The following CPQ variants were observed in gnomAD, a reference collection of about 807,000 sequenced individuals.
CPQ encodes Ser-Met dipeptidase.
CPQ carries 37 observed loss-of-function variants against 45.7 expected under a neutral mutation model. The observed-to-expected ratio is 0.81, with a 90% CI of 0.62 to 1.07. CPQ has a LOEUF of 1.07. Ranked by LOEUF, CPQ falls within the 50% of genes least tolerant of loss-of-function variation. The pLI, the probability that CPQ is intolerant of heterozygous loss-of-function variation, is 0.00. For synonymous variants in CPQ, 186 were observed against 205.8 expected, an observed-to-expected ratio of 0.90 and a Z score of 0.82; for missense variants, 537 against 572.9, an observed-to-expected ratio of 0.94 and a Z score of 0.64.
intron 1 of CPQ, among the ~76,000 whole-genome samples, chr8:96,765,363 G>A (rs1267407690): frequency 4.6e-5 from 7 of 152,172 alleles, no homozygotes; most frequent in Non-Finnish European, 8.8e-5. Flanking sequence ...ATCTCTAAAA[G>A]AAAGAACCCA....
chr8:96,737,356 A>ATATATATATATATG (rs1563483563), intron 1 of CPQ, among the ~76,000 whole-genome samples: 1 of 37,422 alleles, frequency 2.7e-5, no homozygotes, highest in Non-Finnish European at 7.4e-5. Flanking sequence ...CTAATAGGAG[A>ATATATATATATATG]TATATATATA....
intron 1 of CPQ, among the ~76,000 whole-genome samples, chr8:96,734,330 C>T (rs546416309): frequency 6.6e-6 from 1 of 152,334 alleles, no homozygotes; most frequent in Admixed American, 6.5e-5. Flanking sequence ...AGGCTTCCCA[C>T]ATCCTCTTTG....
intron 1 of CPQ, among the ~76,000 whole-genome samples, chr8:96,677,507 T>A (rs1466523561): frequency 6.6e-6 from 1 of 152,066 alleles, no homozygotes; most frequent in Non-Finnish European, 1.5e-5. Flanking sequence ...TTTGTGCACT[T>A]TTTGATGGGA....
At chr8:96,955,080 C>A (rs1418996835) in intron 4 of CPQ, among the ~76,000 whole-genome samples, 2 of 152,096 alleles carry the variant, frequency 1.3e-5, no homozygotes, top group Non-Finnish European at 1.5e-5. Context: ...GTCTTTATAG[C>A]AGCATGATTT....
intron 1 of CPQ, among the ~76,000 whole-genome samples, chr8:96,728,133 T>A (rs1281489741): frequency 6.6e-6 from 1 of 152,208 alleles, no homozygotes; most frequent in Non-Finnish European, 1.5e-5. Context: ...GACCTGATAC[T>A]GACAGCAGGC....
chr8:96,655,013 T>C (rs937078773), intron 1 of CPQ, among the ~76,000 whole-genome samples: 1 of 152,124 alleles, frequency 6.6e-6, no homozygotes, highest in Admixed American at 6.5e-5. Context: ...TCCTCAATGA[T>C]TTTTTAATGG....
chr8:96,905,691 TCTTTGA>T (rs1772184654), intron 4 of CPQ, among the ~76,000 whole-genome samples: 2 of 151,848 alleles, frequency 1.3e-5, no homozygotes, highest in Non-Finnish European at 2.9e-5. Context: ...CTTTGGGGTT[TCTTTGA>T]CTTTGTTTTC....
intron 4 of CPQ, among the ~76,000 whole-genome samples, chr8:96,904,787 G>A (rs1331472906): frequency 6.6e-6 from 1 of 152,136 alleles, no homozygotes; most frequent in Non-Finnish European, 1.5e-5. Context: ...ACTGCCAGTT[G>A]CACAACTCCA....
chr8:96,917,167 C>T (rs1286692770), intron 4 of CPQ, among the ~76,000 whole-genome samples: 1 of 151,962 alleles, frequency 6.6e-6, no homozygotes, highest in Non-Finnish European at 1.5e-5. Flanking sequence ...TTTAAAAAAA[C>T]AAGATGGCAT....
chr8:96,930,032 TAGA>T (rs1331789314), intron 4 of CPQ, among the ~76,000 whole-genome samples: 1 of 152,156 alleles, frequency 6.6e-6, no homozygotes, highest in Non-Finnish European at 1.5e-5. Context: ...ACTTCTCGGT[TAGA>T]AGATTAAGAG....
At chr8:97,038,825 CAAAAAAAAAAAA>C (rs35739621) in intron 6 of CPQ, among the ~76,000 whole-genome samples, 6 of 91,864 alleles carry the variant, frequency 6.5e-5, no homozygotes, top group Admixed American at 1.3e-4. Context: ...ACCGTATTTA[CAAAAAAAAAAAA>C]AAAAAAAAAA....
chr8:96,698,952 C>T (rs1169865750), intron 1 of CPQ, among the ~76,000 whole-genome samples: 2 of 152,080 alleles, frequency 1.3e-5, no homozygotes, highest in Admixed American at 6.6e-5. Flanking sequence ...AATAGAGCTA[C>T]CATAAGATCC....
intron 7 of CPQ, among the ~76,000 whole-genome samples, chr8:97,082,255 C>T (rs1395396568): frequency 6.6e-6 from 1 of 152,132 alleles, no homozygotes; most frequent in Non-Finnish European, 1.5e-5. Context: ...GCCCAACTTC[C>T]CCCCTTGGGG....
intron 6 of CPQ, among the ~76,000 whole-genome samples, chr8:97,033,936 A>T (rs1444851744): frequency 6.6e-6 from 1 of 152,130 alleles, no homozygotes; most frequent in African/African-American, 2.4e-5. Flanking sequence ...AGTTATTTTA[A>T]ATTGTGGGTA....
At chr8:97,069,470 T>TAA (rs76928528) in intron 7 of CPQ, among the ~76,000 whole-genome samples, 17 of 124,674 alleles carry the variant, frequency 1.4e-4, no homozygotes, top group East Asian at 4.5e-4. Flanking sequence ...CATCTGTCTC[T>TAA]AAAAAAAAAA....
At position 96,716,627 on chromosome 8, in the gene CPQ, G is replaced by A. The variant is rs913580027; in HGVS notation, c.-34-68237G>A. On this transcript the variant is annotated intron_variant, in intron 1 of 7. Coordinates refer to ENST00000220763, the MANE Select transcript of CPQ (RefSeq NM_016134.4). Reference sequence around the variant, plus strand: ...ACTTAACTTAGAATAATGATCTCCAGCTAGGTGCAGTGGCTCATGCTTGTA... The same window carrying A: ...ACTTAACTTAGAATAATGATCTCCAACTAGGTGCAGTGGCTCATGCTTGTA... Among the ~76,000 whole-genome samples the A allele has an allele frequency of 3.1e-4, 47 of 152,234 alleles. 1 individual carries two copies. The highest frequency in any genetic ancestry group is 1.1e-3 in the African/African-American group (46 of 41,536).
intron 4 of CPQ, among the ~76,000 whole-genome samples, chr8:96,901,706 A>C (rs1812513438): frequency 2.0e-5 from 3 of 152,152 alleles, no homozygotes; most frequent in African/African-American, 7.2e-5. Context: ...ATCCCAAGGA[A>C]CAGAAGTGGG....
chr8:97,112,145 A>T (rs1425149571), intron 7 of CPQ, among the ~76,000 whole-genome samples: 3 of 144,424 alleles, frequency 2.1e-5, no homozygotes, highest in East Asian at 4.0e-4. Flanking sequence ...ATTTTTTATT[A>T]TTTTTATTTT....
intron 5 of CPQ, among the ~76,000 whole-genome samples, chr8:97,022,845 G>A (rs907847384): frequency 6.6e-6 from 1 of 151,606 alleles, no homozygotes; most frequent in Non-Finnish European, 1.5e-5. Context: ...ACTAAAAGTA[G>A]AACTACCATT....
Sources: allele counts gnomAD v4.1 joint callset (sites outside exome capture counted in the v4.1 genomes callset), GRCh38; gene constraint gnomAD v4.1.1; transcripts MANE v1.5; gene names NCBI Gene and HGNC (gene_info 2026-07-23, HGNC 2026-07-21).